COL4A5: variants seen among roughly 807,000 people sequenced by gnomAD.
COL4A5 encodes collagen type IV alpha 5 chain, also known as collagen alpha-5(IV) chain.
A neutral mutation model predicts 130.2 loss-of-function variants in COL4A5; 26 were observed. The observed-to-expected ratio is 0.20, with a 90% CI of 0.15 to 0.28. COL4A5 has a LOEUF of 0.28. Ranked by LOEUF, COL4A5 falls within the 10% of genes least tolerant of loss-of-function variation. The pLI is 1.00. For synonymous variants in COL4A5, 496 were observed against 439.6 expected (o/e 1.13, Z -1.60); for missense variants, 1,131 against 1,344.3 (o/e 0.84, Z 2.48).
At chrX:108,593,677 C>T (rs1009093958) in intron 21 of COL4A5, among the ~76,000 whole-genome samples, 3 of 111,526 alleles carry the variant, frequency 2.7e-5, no homozygotes, top group Non-Finnish European at 5.6e-5. Flanking sequence ...TCATCAATTA[C>T]CCCAATGAAT....
chrX:108,594,789 C>T (rs1462499833), intron 21 of COL4A5, among the ~76,000 whole-genome samples: 1 of 110,030 alleles, frequency 9.1e-6, no homozygotes, highest in African/African-American at 3.3e-5. Context: ...CCCTGGCATA[C>T]TCAATACCAC....
chrX:108,610,689 A>G (rs2066818207), intron 29 of COL4A5, among the ~76,000 whole-genome samples: 1 of 111,964 alleles, frequency 8.9e-6, no homozygotes, highest in African/African-American at 3.2e-5. Flanking sequence ...ACATGAATTT[A>G]ACAGGTATTT....
chrX:108,494,288 G>A (rs2065016557), intron 1 of COL4A5, among the ~76,000 whole-genome samples: 1 of 111,051 alleles, frequency 9.0e-6, no homozygotes, highest in African/African-American at 3.3e-5. Flanking sequence ...CTGACACATG[G>A]ATTTTCTTGT....
At position 108,677,597 on chromosome X, in the gene COL4A5, T is replaced by C. The variant is rs1353809764; in HGVS notation, c.3906T>C (p.Pro1302=). The part of the protein sequence containing the change: ...NPGQPGLPGL[P]GLKGDQGPPG... ...GCCAACCTGGGCTACCTGGCTTGCCTGGTTTGAAAGGAGATCAAGGACCAC... is the reference window on the plus strand; with the variant it reads ...GCCAACCTGGGCTACCTGGCTTGCCCGGTTTGAAAGGAGATCAAGGACCAC... The change falls in exon 44 of 53, where the codon CCT becomes CCC. Residue 1302 remains proline, a synonymous_variant. Transcript: ENST00000328300. The C allele has an allele frequency of 1.7e-6, 2 of 1,210,961 alleles. No homozygotes were observed. The highest frequency in any genetic ancestry group is 2.2e-6 in the Non-Finnish European group (2 of 894,843).
At chrX:108,632,501 A>G (rs913861622) in intron 36 of COL4A5, among the ~76,000 whole-genome samples, 6 of 111,551 alleles carry the variant, frequency 5.4e-5, no homozygotes, top group African/African-American at 2.0e-4. Flanking sequence ...TCATCCTGAT[A>G]TCAAAGCCTG....
chrX:108,633,394 G>T (rs1021061388), intron 36 of COL4A5, among the ~76,000 whole-genome samples: 1 of 110,889 alleles, frequency 9.0e-6, no homozygotes, highest in Admixed American at 9.6e-5. Flanking sequence ...TCTGTATGTT[G>T]TATGAGGTGA....
At chrX:108,689,473 T>A in intron 49 of COL4A5, 1 of 752,465 alleles carries the variant, frequency 1.3e-6, no homozygotes, top group Non-Finnish European at 1.6e-6. Context: ...ATCCATGTAT[T>A]TTCTCTAATA....
At chrX:108,607,725 G>A (rs1177238448) in intron 29 of COL4A5, among the ~76,000 whole-genome samples, 4 of 110,763 alleles carry the variant, frequency 3.6e-5, no homozygotes, top group Non-Finnish European at 7.6e-5. Flanking sequence ...TTCGTGATCC[G>A]CCCGCCTCGG....
intron 9 of COL4A5, 90 bp from the exon 10 acceptor site, chrX:108,575,820 C>T: frequency 1.6e-6 from 1 of 644,047 alleles, no homozygotes; most frequent in South Asian, 2.4e-5. Flanking sequence ...CTGGGCGACA[C>T]AAGTGAGACT....
At chrX:108,568,044 G>C (rs2066000678) in intron 4 of COL4A5, among the ~76,000 whole-genome samples, 1 of 111,888 alleles carries the variant, frequency 8.9e-6, no homozygotes, top group South Asian at 3.7e-4. Context: ...GGTATCTTCA[G>C]GACAGATTCT....
rs900291440 is a variant in COL4A5, at chrX:108,595,735, C to T, written c.1516+134C>T. ...CTATAAAGAATTAAGTATGAAATGC[C>T]TCCATTTGTTATCAAATTAATTATG... On this transcript the variant is annotated intron_variant, in intron 22 of 52. Coordinates refer to ENST00000328300, the MANE Select transcript of COL4A5 (RefSeq NM_033380.3). 8.3e-6 allele frequency: 4 copies of T among 481,187 alleles called. No homozygotes were observed. In the African/African-American group the frequency reaches 9.7e-5, roughly 12 times the overall value. The allele number at this position is 481,187 out of a possible 1,213,427, so 39.7% of individuals were successfully genotyped here.
At position 108,492,056 on chromosome X, in the gene COL4A5, TG is replaced by T. The variant is rs767527591; in HGVS notation, c.82-47688del. Among the ~76,000 whole-genome samples the T allele has an allele frequency of 5.4e-5, 6 of 111,704 alleles. No homozygotes were observed. In the South Asian group the frequency reaches 1.1e-3, roughly 21 times the overall value. On this transcript the variant is annotated intron_variant, in intron 1 of 52. Transcript: ENST00000328300. ...GCTTTGAAAAGCTTCAACATATTCC[TG>T]GTAATTTCGAAGGCCATGTGCCCCC...
chrX:108,599,591 A>T (rs999530558), intron 25 of COL4A5, among the ~76,000 whole-genome samples: 10 of 111,663 alleles, frequency 9.0e-5, no homozygotes, highest in African/African-American at 2.9e-4. Context: ...CTAGGTAGAT[A>T]GATAGATCCC....
At chrX:108,582,755 G>A in intron 16 of COL4A5, 129 bp from the exon 17 acceptor site, 1 of 423,734 alleles carries the variant, frequency 2.4e-6, no homozygotes, top group South Asian at 3.3e-5. Flanking sequence ...CTTTGGTTAA[G>A]TTCTGAAAGT....
At chrX:108,445,533 T>C (rs1424411342) in intron 1 of COL4A5, among the ~76,000 whole-genome samples, 1 of 112,347 alleles carries the variant, frequency 8.9e-6, no homozygotes, top group Non-Finnish European at 1.9e-5. Flanking sequence ...GGTGTTTACA[T>C]ACTGGTGAGA....
chrX:108,507,824 C>A (rs2065141625), intron 1 of COL4A5, among the ~76,000 whole-genome samples: 1 of 110,884 alleles, frequency 9.0e-6, no homozygotes, highest in Admixed American at 9.6e-5. Flanking sequence ...AACAAATAAC[C>A]AAAAACTCAA....
At position 108,473,633 on chromosome X, in the gene COL4A5, A is replaced by ATATAT; in HGVS notation, c.81+33428_81+33429insATATT. Among the ~76,000 whole-genome samples, 62 of 34,562 alleles carry ATATAT rather than the reference A, an allele frequency of 1.8e-3. 1 individual carries two copies. Among genetic ancestry groups the ATATAT allele is most frequent in the African/African-American group, 6.6e-3 (61 of 9,275 alleles). 30.0% of individuals were successfully genotyped at this position (34,562 alleles called of 115,157 possible). ...TATATGTATATATATATATATATAT[A>ATATAT]TTTTTTTTTTTTTGAGATGAAGTCT... On this transcript the variant is annotated intron_variant, in intron 1 of 52. Transcript: ENST00000328300.
intron 1 of COL4A5, among the ~76,000 whole-genome samples, chrX:108,525,757 C>T (rs555396797): frequency 8.1e-5 from 9 of 111,792 alleles, no homozygotes; most frequent in African/African-American, 2.6e-4. Context: ...TCTTCTCTTA[C>T]TCTAGGCAAA....
Position 108,460,551 on chromosome X carries a change from G to A in COL4A5, c.81+20345G>A, listed in dbSNP as rs1176786727. 2.8e-5 allele frequency among the ~76,000 whole-genome samples: 3 copies of A among 108,485 alleles called. No individual in the cohort carries two copies. The Admixed American group carries it at 3.0e-4, about 11-fold the overall frequency. The allele number at this position is 108,485 out of a possible 115,157, so 94.2% of individuals were successfully genotyped here. A position where few individuals can be genotyped will look rare whatever the true frequency, so the allele number is the denominator to read the frequency against. On this transcript the variant is annotated intron_variant, in intron 1 of 52. Transcript: ENST00000328300. ...GTTGCCCAGGCTGGAGTGAAATGGT[G>A]CGGTCTTGGCACACTGCAACCTCTG...
Sources: allele counts gnomAD v4.1 joint callset (sites outside exome capture counted in the v4.1 genomes callset), GRCh38; gene constraint gnomAD v4.1.1; transcripts MANE v1.5; gene names NCBI Gene and HGNC (gene_info 2026-07-23, HGNC 2026-07-21).